Variants in UST observed in about 807,000 individuals in gnomAD.
UST encodes uronyl 2-sulfotransferase, also known as chondroitin sulfate 2-O-sulfotransferase.
In UST, 21 loss-of-function variants were observed where a neutral mutation model predicts 45.6. The ratio of observed to expected loss-of-function variants is 0.46; its 90% confidence interval spans 0.33 to 0.66. UST has a LOEUF of 0.66. Among genes scored for constraint, UST ranks in the 30% least tolerant of loss-of-function variants. The pLI is 0.02. For synonymous variants in UST, 215 were observed against 200.6 expected (o/e 1.07, Z -0.61); for missense variants, 463 against 512.4 (o/e 0.90, Z 0.93).
chr6:148,873,578 C>T (rs903148773), intron 1 of UST, among the ~76,000 whole-genome samples: 52 of 152,300 alleles, frequency 3.4e-4, no homozygotes, highest in African/African-American at 1.1e-3. Context: ...ACAAGCCTGC[C>T]GTGGCTCCCA....
chr6:148,994,414 A>G (rs1215631492), intron 5 of UST, among the ~76,000 whole-genome samples: 1 of 152,160 alleles, frequency 6.6e-6, no homozygotes, highest in Non-Finnish European at 1.5e-5. Context: ...GATAGTGGAA[A>G]ACTGCTGATA....
In UST at chr6:148,932,811, A is replaced by G. The variant is rs530081110; in HGVS notation, c.292-8468A>G. On this transcript the variant is annotated intron_variant, in intron 2 of 7. Transcript: ENST00000367463. Reference sequence around the variant, plus strand: ...TAGTGATGATGTGCGTTATGGAGATAACAGGACATTAGGTATACAGAATGG... The same window carrying G: ...TAGTGATGATGTGCGTTATGGAGATGACAGGACATTAGGTATACAGAATGG... 9.8e-5 allele frequency among the ~76,000 whole-genome samples: 15 copies of G among 152,356 alleles called. No individual in the cohort carries two copies. The South Asian group carries it at 3.1e-3, about 32-fold the overall frequency.
intron 1 of UST, among the ~76,000 whole-genome samples, chr6:148,874,967 C>T (rs767424597): frequency 3.9e-5 from 6 of 152,210 alleles, no homozygotes; most frequent in Middle Eastern, 3.2e-3. Context: ...CCTGGACTCC[C>T]GGGGCGACAT....
intron 3 of UST, among the ~76,000 whole-genome samples, chr6:148,949,991 G>C (rs1780333866): frequency 6.6e-6 from 1 of 152,106 alleles, no homozygotes; most frequent in Non-Finnish European, 1.5e-5. Context: ...CACGTATTTG[G>C]TTGTCCTAGC....
intron 2 of UST, among the ~76,000 whole-genome samples, chr6:148,905,279 C>T (rs934445285): frequency 6.6e-6 from 1 of 152,226 alleles, no homozygotes; most frequent in Non-Finnish European, 1.5e-5. Context: ...CATGTGGCCT[C>T]TTGCTCTGGC....
chr6:148,877,856 G>A (rs73778933), intron 1 of UST, among the ~76,000 whole-genome samples: 2,280 of 140,724 alleles, frequency 0.016, 85 homozygotes, highest in African/African-American at 0.058. Context: ...GTACGAGTGC[G>A]GGGATCATGT....
At chr6:148,747,798 C>G (rs1582784421) in intron 1 of UST, 121 bp downstream of exon 1, 2 of 1,307,924 alleles carry the variant, frequency 1.5e-6, no homozygotes, top group Non-Finnish European at 2.0e-6. Flanking sequence ...CGGGTCTCTC[C>G]AGGTGCTAAG....
At chr6:148,912,549 A>G (rs548368258) in intron 2 of UST, among the ~76,000 whole-genome samples, 23 of 152,388 alleles carry the variant, frequency 1.5e-4, no homozygotes, top group African/African-American at 5.3e-4. Context: ...AGCAACTCTT[A>G]TCTACATTGC....
chr6:148,910,154 T>C (rs897435868), intron 2 of UST, among the ~76,000 whole-genome samples: 4 of 123,124 alleles, frequency 3.2e-5, no homozygotes, highest in Non-Finnish European at 7.3e-5. Context: ...TTTTTTTTTT[T>C]TTTGAGACAG....
At chr6:148,762,264 T>G (rs1448022701) in intron 1 of UST, among the ~76,000 whole-genome samples, 1 of 152,202 alleles carries the variant, frequency 6.6e-6, no homozygotes, top group Non-Finnish European at 1.5e-5. Context: ...TGATAATATT[T>G]TGGGTCTCAT....
At chr6:148,938,715 A>G (rs903885080) in intron 2 of UST, among the ~76,000 whole-genome samples, 2 of 151,936 alleles carry the variant, frequency 1.3e-5, no homozygotes, top group East Asian at 3.8e-4. Context: ...TTTATTGCAG[A>G]TAAAAATGAT....
intron 7 of UST, among the ~76,000 whole-genome samples, chr6:149,065,778 C>G (rs978800075): frequency 6.6e-6 from 1 of 152,236 alleles, no homozygotes; most frequent in Non-Finnish European, 1.5e-5. Flanking sequence ...ATCTGAGTCT[C>G]TGTTTCTCCT....
chr6:148,867,583 G>C (rs1778468873), intron 1 of UST, among the ~76,000 whole-genome samples: 1 of 152,088 alleles, frequency 6.6e-6, no homozygotes, highest in Admixed American at 6.6e-5. Context: ...CCCCCATACT[G>C]TTCTCGTGGT....
At chr6:148,939,918 A>G (rs1017604384) in intron 2 of UST, among the ~76,000 whole-genome samples, 1 of 152,196 alleles carries the variant, frequency 6.6e-6, no homozygotes, top group African/African-American at 2.4e-5. Context: ...CCATAAAGAA[A>G]ATGAAAAGAC....
chr6:149,001,593 T>TA lies in UST; in HGVS notation c.682-17539dup, dbSNP rs551906354. ...CAGTAATATCTTCAAAGTGTTGAGA[T>TA]AAAAAAATTGTGAACCTGGAATTTT... is the stretch of plus-strand genomic sequence containing the variant. On this transcript the variant is annotated intron_variant, in intron 5 of 7. Transcript: ENST00000367463. Among the ~76,000 whole-genome samples the TA allele has an allele frequency of 5.8e-3, 879 of 152,254 alleles. 11 individuals carry two copies. Among genetic ancestry groups the TA allele is most frequent in the African/African-American group, 0.02 (851 of 41,542 alleles).
At chr6:148,926,645 T>TG (rs1267789284) in intron 2 of UST, among the ~76,000 whole-genome samples, 1 of 152,196 alleles carries the variant, frequency 6.6e-6, no homozygotes, top group Non-Finnish European at 1.5e-5. Context: ...GGCAGAGGAC[T>TG]GAAAAACAAT....
chr6:148,773,263 C>T (rs1344375984), intron 1 of UST, among the ~76,000 whole-genome samples: 1 of 152,086 alleles, frequency 6.6e-6, no homozygotes, highest in East Asian at 1.9e-4. Context: ...GAGTTCGAGA[C>T]CAGCCTGGCC....
intron 1 of UST, among the ~76,000 whole-genome samples, chr6:148,858,924 G>C (rs1290459245): frequency 6.6e-6 from 1 of 152,140 alleles, no homozygotes; most frequent in Non-Finnish European, 1.5e-5. Flanking sequence ...TTGGTTCCAA[G>C]TCTTTGCTGT....
rs139210057 is a variant in UST at position 148,866,952 on chromosome 6, C to T, written c.248-20034C>T. Among the ~76,000 whole-genome samples the T allele has an allele frequency of 2.6e-3, 397 of 152,072 alleles. 2 individuals are homozygous for T. Among genetic ancestry groups the T allele is most frequent in the African/African-American group, 3.8e-3 (158 of 41,470 alleles). On this transcript the variant is annotated intron_variant, in intron 1 of 7. Transcript: ENST00000367463. ...CTTGATTCTGAAACGGTCATGGCCT[C>T]GAGGGCAACCAGAGTCTTGTTCTTA...
Sources: allele counts gnomAD v4.1 joint callset (sites outside exome capture counted in the v4.1 genomes callset), GRCh38; gene constraint gnomAD v4.1.1; transcripts MANE v1.5; gene names NCBI Gene and HGNC (gene_info 2026-07-23, HGNC 2026-07-21).